The following HMGB1 variants were observed in gnomAD, a reference collection of about 807,000 sequenced individuals.
HMGB1 encodes the protein high mobility group box 1, also known as high mobility group protein B1.
For missense variants in HMGB1, 79 were observed against 253.5 expected (o/e 0.31, Z 4.67); for synonymous variants, 81 against 84.0 (o/e 0.96, Z 0.19).
chr13:30,506,201 T>G (rs1887862860), intron 1 of HMGB1, among the ~76,000 whole-genome samples: 1 of 152,082 alleles, frequency 6.6e-6, no homozygotes, highest in Non-Finnish European at 1.5e-5. Flanking sequence ...GAACAGGTAT[T>G]AGTGGGGCCT....
chr13:30,590,016 G>A (rs1489053762), intron 1 of HMGB1, among the ~76,000 whole-genome samples: 1 of 152,120 alleles, frequency 6.6e-6, no homozygotes, highest in Non-Finnish European at 1.5e-5. Context: ...TGGGCAGTGA[G>A]AGGAGACCAC....
At chr13:30,550,887 A>G (rs1869395023) in intron 1 of HMGB1, among the ~76,000 whole-genome samples, 1 of 152,250 alleles carries the variant, frequency 6.6e-6, no homozygotes, top group Non-Finnish European at 1.5e-5. Context: ...TAGCTGGTGG[A>G]AGACAAAACT....
intron 1 of HMGB1, among the ~76,000 whole-genome samples, chr13:30,575,803 T>C (rs532195020): frequency 1.3e-5 from 2 of 152,286 alleles, no homozygotes; most frequent in East Asian, 3.9e-4. Context: ...GTAGTCCAGC[T>C]ATTCCAGGGG....
chr13:30,602,005 A>G (rs1286285128), intron 1 of HMGB1, among the ~76,000 whole-genome samples: 2 of 152,080 alleles, frequency 1.3e-5, no homozygotes, highest in Non-Finnish European at 2.9e-5. Flanking sequence ...GAAGGAAGAG[A>G]GCATACTCGG....
chr13:30,564,331 C>A (rs1870095158), intron 1 of HMGB1, among the ~76,000 whole-genome samples: 1 of 150,690 alleles, frequency 6.6e-6, no homozygotes, highest in Non-Finnish European at 1.5e-5. Flanking sequence ...CTTATGCCTG[C>A]AGTCCCAGCT....
intron 1 of HMGB1, among the ~76,000 whole-genome samples, chr13:30,538,685 C>CCTTTA (rs1566019203): frequency 1.6e-4 from 1 of 6,322 alleles, no homozygotes; most frequent in East Asian, 4.9e-3. Context: ...TCTTTCTTTC[C>CCTTTA]TTTCTTTCTT....
chr13:30,463,925 T>TA, intron 1 of HMGB1: 1 of 454,548 alleles, frequency 2.2e-6, no homozygotes, highest in Non-Finnish European at 3.6e-6. Context: ...TCAAAAAGTC[T>TA]AGACACAAAG....
chr13:30,519,073 A>G (rs1888166259), intron 1 of HMGB1, among the ~76,000 whole-genome samples: 2 of 151,804 alleles, frequency 1.3e-5, no homozygotes, highest in African/African-American at 4.8e-5. Context: ...ACAAATTTCA[A>G]TGCTTGAGTA....
chr13:30,506,021 C>T (rs1226778748), intron 1 of HMGB1, among the ~76,000 whole-genome samples: 2 of 152,142 alleles, frequency 1.3e-5, no homozygotes, highest in East Asian at 1.9e-4. Flanking sequence ...GCCACTGCAC[C>T]TGGCCTGGAG....
At chr13:30,577,221 T>C (rs1040661318) in intron 1 of HMGB1, among the ~76,000 whole-genome samples, 4 of 151,880 alleles carry the variant, frequency 2.6e-5, no homozygotes, top group Non-Finnish European at 5.9e-5. Context: ...ACACCTGTGG[T>C]CCCAGCTCCT....
chr13:30,526,404 C>T (rs1566015342), intron 1 of HMGB1, among the ~76,000 whole-genome samples: 1 of 152,188 alleles, frequency 6.6e-6, no homozygotes, highest in South Asian at 2.1e-4. Context: ...CATTATTTCT[C>T]TAACTCTATG....
At chr13:30,592,470 G>A (rs1235562020) in intron 1 of HMGB1, among the ~76,000 whole-genome samples, 4 of 152,028 alleles carry the variant, frequency 2.6e-5, no homozygotes, top group African/African-American at 9.7e-5. Context: ...TGTTATGTTT[G>A]GAAAAACATA....
chr13:30,605,790 TG>T (rs1320038624), intron 1 of HMGB1, among the ~76,000 whole-genome samples: 1 of 152,176 alleles, frequency 6.6e-6, no homozygotes, highest in Non-Finnish European at 1.5e-5. Flanking sequence ...ATAAAAAAGC[TG>T]AAAGAATTGT....
At chr13:30,605,322 G>A (rs1056899093) in intron 1 of HMGB1, among the ~76,000 whole-genome samples, 15 of 152,146 alleles carry the variant, frequency 9.9e-5, no homozygotes, top group Admixed American at 9.8e-4. Context: ...AGTATTTAAA[G>A]CTATACAACA....
rs1260734515 is a variant in HMGB1, at chr13:30,545,093, T to C, written c.-15+71578A>G. On this transcript the variant is annotated intron_variant, in intron 1 of 4. Coordinates refer to the HMGB1 transcript ENST00000405805. ...TTGTTTCAGTTCTTTTTCTTCTGTT[T>C]GCATTGATTTCCATTTCAGCTGGGC... Among the ~76,000 whole-genome samples, 3 of 152,196 alleles carry C rather than the reference T, an allele frequency of 2.0e-5. No homozygotes were observed. In the East Asian group the frequency reaches 5.8e-4, roughly 29 times the overall value.
chr13:30,498,949 C>CT (rs1182644823), intron 1 of HMGB1, among the ~76,000 whole-genome samples: 1 of 86,672 alleles, frequency 1.2e-5, no homozygotes, highest in African/African-American at 2.9e-5. Flanking sequence ...CGCCCAGCCT[C>CT]TTTTTTGTTT....
At chr13:30,533,771 T>C (rs1197272227) in intron 1 of HMGB1, among the ~76,000 whole-genome samples, 1 of 152,014 alleles carries the variant, frequency 6.6e-6, no homozygotes, top group Non-Finnish European at 1.5e-5. Flanking sequence ...ATAATTCTAT[T>C]AGCTAATTGC....
chr13:30,461,649 C>T (rs750971451), intron 4 of HMGB1, 116 bp from the exon 5 acceptor site: 12 of 1,589,288 alleles, frequency 7.6e-6, no homozygotes, highest in South Asian at 4.6e-5. Flanking sequence ...CAAAATATCA[C>T]GTATCTGTAG....
intron 1 of HMGB1, among the ~76,000 whole-genome samples, chr13:30,594,672 C>T (rs1259171535): frequency 2.0e-5 from 3 of 152,098 alleles, no homozygotes; most frequent in East Asian, 1.9e-4. Flanking sequence ...CTATTGTGAA[C>T]GGTGCTGCAA....
Sources: allele counts gnomAD v4.1 joint callset (sites outside exome capture counted in the v4.1 genomes callset), GRCh38; gene constraint gnomAD v4.1.1; transcripts MANE v1.5; gene names NCBI Gene and HGNC (gene_info 2026-07-23, HGNC 2026-07-21).